EXOC6B: variants seen among roughly 807,000 people sequenced by gnomAD.
EXOC6B encodes the protein exocyst complex component 6B.
In EXOC6B, 54 loss-of-function variants were observed where a neutral mutation model predicts 113.5. That is an observed-to-expected ratio of 0.48 (90% CI 0.38 to 0.60). EXOC6B has a LOEUF of 0.60. Ranked by LOEUF, EXOC6B falls within the 20% of genes least tolerant of loss-of-function variation. The pLI, the probability that EXOC6B is intolerant of heterozygous loss-of-function variation, is 0.00. For missense variants in EXOC6B, 797 were observed against 977.5 expected, an observed-to-expected ratio of 0.82 and a Z score of 2.46; for synonymous variants, 357 against 339.0, an observed-to-expected ratio of 1.05 and a Z score of -0.58.
intron 1 of EXOC6B, among the ~76,000 whole-genome samples, chr2:72,771,147 G>T (rs2104946053): frequency 6.6e-6 from 1 of 152,270 alleles, no homozygotes. Context: ...TTCAACTGCT[G>T]AAAACATTTC....
At chr2:72,717,999 G>T in intron 6 of EXOC6B, 104 bp downstream of exon 6, 1 of 794,722 alleles carries the variant, frequency 1.3e-6, no homozygotes, top group Non-Finnish European at 1.9e-6. Context: ...AAAATGATAA[G>T]AAACTTGGAT....
intron 1 of EXOC6B, among the ~76,000 whole-genome samples, chr2:72,783,418 G>A (rs1369032618): frequency 7.2e-6 from 1 of 139,466 alleles, no homozygotes; most frequent in Non-Finnish European, 1.5e-5. Context: ...TCCGCCTCCC[G>A]AGTTCAAGTG....
intron 19 of EXOC6B, among the ~76,000 whole-genome samples, chr2:72,346,823 C>T (rs1689365671): frequency 6.6e-6 from 1 of 152,066 alleles, no homozygotes; most frequent in Admixed American, 6.6e-5. Context: ...TGGATTTTCC[C>T]TTAGTATTCC....
At chr2:72,700,237 A>AACACACACACACACAC (rs3034948) in intron 6 of EXOC6B, among the ~76,000 whole-genome samples, 12,267 of 142,216 alleles carry the variant, frequency 0.086, 714 homozygotes, top group African/African-American at 0.14. Context: ...AGACCACAGA[A>AACACACACACACACAC]ACACACACAC....
Position 72,319,859 on chromosome 2 carries a change from G to A in EXOC6B, c.2196+15088C>T, listed in dbSNP as rs557894407. Among the ~76,000 whole-genome samples the A allele has an allele frequency of 4.0e-5, 6 of 150,308 alleles. No homozygotes were observed. In the East Asian group the frequency reaches 5.8e-4, roughly 15 times the overall value. The stretch of plus-strand genomic sequence containing the variant: ...CAGCAAGCTTTTTTTTTTTTGAGAC[G>A]AAGTCTCGCTCTGTCGCCCAGGCTG... On this transcript the variant is annotated intron_variant, in intron 20 of 21. Coordinates refer to ENST00000272427, the MANE Select transcript of EXOC6B (RefSeq NM_015189.3).
intron 18 of EXOC6B, among the ~76,000 whole-genome samples, chr2:72,390,462 T>C (rs1439674749): frequency 4.6e-5 from 7 of 152,190 alleles, no homozygotes; most frequent in Admixed American, 2.6e-4. Flanking sequence ...TTGGCATATC[T>C]AGCAAATTTT....
chr2:72,401,624 TATATATATATATACATATATAC>T lies in EXOC6B; in HGVS notation c.1981-21776_1981-21755del, dbSNP rs1558631254. On this transcript the variant is annotated intron_variant, in intron 18 of 21. Coordinates refer to ENST00000272427, the MANE Select transcript of EXOC6B (RefSeq NM_015189.3). ...ATATGTGTATATATATATATATACA[TATATATATATATACATATATAC>T]ATATATATATATATATATATGTATA... Among the ~76,000 whole-genome samples the T allele has an allele frequency of 1.8e-3, 68 of 36,846 alleles. 6 individuals carry two copies. Among genetic ancestry groups the T allele is most frequent in the African/African-American group, 0.011 (34 of 3,078 alleles). 24.2% of individuals were successfully genotyped at this position (36,846 alleles called of 152,430 possible).
At chr2:72,670,669 A>G (rs1041010507) in intron 6 of EXOC6B, among the ~76,000 whole-genome samples, 5 of 152,208 alleles carry the variant, frequency 3.3e-5, no homozygotes, top group Non-Finnish European at 7.3e-5. Flanking sequence ...CTTTCTTTTC[A>G]GGAAATTGCT....
chr2:72,420,890 C>T (rs1041536193), intron 18 of EXOC6B, among the ~76,000 whole-genome samples: 2 of 152,198 alleles, frequency 1.3e-5, no homozygotes, highest in Non-Finnish European at 2.9e-5. Context: ...ACATCCTCTC[C>T]AGCATCTGTT....
rs911479853 is a variant in EXOC6B at position 72,683,480 on chromosome 2, A to AAT, written c.669+34621_669+34622dup. Among the ~76,000 whole-genome samples, 31 of 151,614 alleles carry AAT rather than the reference A, an allele frequency of 2.0e-4. 1 individual carries two copies. Among genetic ancestry groups the AAT allele is most frequent in the East Asian group, 1.9e-4 (1 of 5,178 alleles). On this transcript the variant is annotated intron_variant, in intron 6 of 21. Transcript: ENST00000272427. ...TGCATAGTTCAAGCCCATTTTTCCA[A>AAT]ATATATATATATAGACATGACTGCA... is the stretch of plus-strand genomic sequence containing the variant.
chr2:72,773,381 C>T (rs1389071689), intron 1 of EXOC6B, among the ~76,000 whole-genome samples: 3 of 150,160 alleles, frequency 2.0e-5, no homozygotes, highest in Non-Finnish European at 4.4e-5. Context: ...CCACCTGCCT[C>T]AGCCTCCCAA....
chr2:72,305,141 A>T (rs1050545438), intron 20 of EXOC6B, among the ~76,000 whole-genome samples: 1 of 152,130 alleles, frequency 6.6e-6, no homozygotes, highest in Admixed American at 6.5e-5. Flanking sequence ...TGAGGTAGCT[A>T]TTATTATCTA....
intron 7 of EXOC6B, among the ~76,000 whole-genome samples, chr2:72,568,155 A>T (rs1704298097): frequency 6.6e-6 from 1 of 152,040 alleles, no homozygotes; most frequent in Admixed American, 6.6e-5. Context: ...TTCCTGCCAA[A>T]AATGATTAAC....
intron 20 of EXOC6B, among the ~76,000 whole-genome samples, chr2:72,201,099 TAC>T (rs144173001): frequency 5.3e-5 from 8 of 151,616 alleles, no homozygotes; most frequent in African/African-American, 9.7e-5. Context: ...TATATATATA[TAC>T]ACACACACAC....
At chr2:72,778,653 T>A (rs2104979130) in intron 1 of EXOC6B, among the ~76,000 whole-genome samples, 1 of 152,300 alleles carries the variant, frequency 6.6e-6, no homozygotes, top group East Asian at 1.9e-4. Flanking sequence ...AGGAAAGGGA[T>A]GTACTAATCT....
At chr2:72,403,785 A>G (rs1693515295) in intron 18 of EXOC6B, among the ~76,000 whole-genome samples, 1 of 152,204 alleles carries the variant, frequency 6.6e-6, no homozygotes, top group African/African-American at 2.4e-5. Context: ...AGCGTGAGCG[A>G]CGCATAAGAC....
At chr2:72,180,082 T>C (rs1341758322) in intron 21 of EXOC6B, among the ~76,000 whole-genome samples, 1 of 152,006 alleles carries the variant, frequency 6.6e-6, no homozygotes, top group East Asian at 1.9e-4. Flanking sequence ...GCTAAGAGAG[T>C]AGAGTGCTGA....
At chr2:72,663,358 G>A (rs1475528499) in intron 6 of EXOC6B, among the ~76,000 whole-genome samples, 1 of 152,166 alleles carries the variant, frequency 6.6e-6, no homozygotes, top group African/African-American at 2.4e-5. Flanking sequence ...TTATTTTCAG[G>A]ATGTAGTGAA....
At chr2:72,268,340 G>A (rs1417944492) in intron 20 of EXOC6B, among the ~76,000 whole-genome samples, 4 of 152,000 alleles carry the variant, frequency 2.6e-5, no homozygotes, top group Non-Finnish European at 4.4e-5. Context: ...CAAACTCCTG[G>A]CCTCAAGGTG....
Sources: allele counts gnomAD v4.1 joint callset (sites outside exome capture counted in the v4.1 genomes callset), GRCh38; gene constraint gnomAD v4.1.1; transcripts MANE v1.5; gene names NCBI Gene and HGNC (gene_info 2026-07-23, HGNC 2026-07-21).